The following SLCO5A1 variants were observed in gnomAD, a reference collection of about 807,000 sequenced individuals.
The protein encoded by SLCO5A1 is solute carrier organic anion transporter family member 5A1.
Under a neutral mutation model 65.1 loss-of-function variants are expected in SLCO5A1, and 39 were observed. The observed-to-expected ratio is 0.60, with a 90% CI of 0.46 to 0.78. SLCO5A1 has a LOEUF of 0.78. Among genes scored for constraint, SLCO5A1 ranks in the 30% least tolerant of loss-of-function variants. The probability of loss-of-function intolerance (pLI) is 0.00; values close to 1 mark genes in which losing one functional copy is unlikely to be tolerated. For synonymous variants in SLCO5A1, 438 were observed against 415.7 expected, an observed-to-expected ratio of 1.05 and a Z score of -0.65; for missense variants, 1,029 against 1,069.4, an observed-to-expected ratio of 0.96 and a Z score of 0.53.
chr8:69,682,404 G>T, intron 6 of SLCO5A1, 61 bp from the exon 7 acceptor site: 1 of 1,397,454 alleles, frequency 7.2e-7, no homozygotes, highest in East Asian at 2.7e-5. Context: ...CATAGGAAAG[G>T]TCTTGAAATT....
intron 4 of SLCO5A1, among the ~76,000 whole-genome samples, chr8:69,740,536 T>C (rs1816750470): frequency 6.6e-6 from 1 of 152,142 alleles, no homozygotes; most frequent in Non-Finnish European, 1.5e-5. Flanking sequence ...TGTATGTGGG[T>C]ATAAATATAG....
At chr8:69,730,147 C>T (rs1816266591) in intron 5 of SLCO5A1, among the ~76,000 whole-genome samples, 1 of 152,194 alleles carries the variant, frequency 6.6e-6, no homozygotes, top group South Asian at 2.1e-4. Context: ...AGTGGGTAAG[C>T]AACTTGGCTA....
In SLCO5A1 at chr8:69,823,100, T is replaced by G. The variant is rs960997015; in HGVS notation, c.907+8667A>C. On this transcript the variant is annotated intron_variant, in intron 2 of 9. Coordinates refer to ENST00000260126, the MANE Select transcript of SLCO5A1 (RefSeq NM_030958.3). ...AGTTCGGCATTCTTACTCTTTTCCC[T>G]GTTGAATTACAAATGTCTTGCCTCC... Among the ~76,000 whole-genome samples the G allele has an allele frequency of 2.6e-5, 4 of 152,226 alleles. No individual in the cohort carries two copies. In the South Asian group the frequency reaches 6.2e-4, roughly 24 times the overall value.
chr8:69,811,047 C>T (rs966317610), intron 2 of SLCO5A1, among the ~76,000 whole-genome samples: 1 of 152,170 alleles, frequency 6.6e-6, no homozygotes, highest in Non-Finnish European at 1.5e-5. Context: ...ATCCCACCTT[C>T]CCACATGCAG....
intron 5 of SLCO5A1, among the ~76,000 whole-genome samples, chr8:69,706,460 C>T (rs931113350): frequency 6.6e-6 from 1 of 152,098 alleles, no homozygotes; most frequent in Non-Finnish European, 1.5e-5. Flanking sequence ...AATCCTAATC[C>T]CCAGAGTGAT....
chr8:69,701,343 A>G (rs1343668996), intron 6 of SLCO5A1, among the ~76,000 whole-genome samples: 1 of 152,232 alleles, frequency 6.6e-6, no homozygotes, highest in Non-Finnish European at 1.5e-5. Flanking sequence ...CTTCTCAGCC[A>G]GGGCTATTTA....
intron 2 of SLCO5A1, among the ~76,000 whole-genome samples, chr8:69,784,894 GGAAGA>G (rs1818970634): frequency 1.6e-5 from 1 of 64,388 alleles, no homozygotes. Flanking sequence ...AAAGAAGAAA[GGAAGA>G]AAGAAAGAAA....
chr8:69,709,786 G>A (rs543292857), intron 5 of SLCO5A1, among the ~76,000 whole-genome samples: 100 of 152,312 alleles, frequency 6.6e-4, no homozygotes, highest in African/African-American at 2.2e-3. Context: ...AACCGTGATG[G>A]GAAAGTGAAG....
intron 5 of SLCO5A1, chr8:69,714,750 A>G (rs1473883568): frequency 4.6e-5 from 7 of 152,230 alleles, no homozygotes; most frequent in South Asian, 2.1e-4. Context: ...TGACTTCAAC[A>G]GGGAGATATT....
intron 2 of SLCO5A1, among the ~76,000 whole-genome samples, chr8:69,774,431 T>C (rs10101019): frequency 0.045 from 6,850 of 152,262 alleles, 470 homozygotes; most frequent in African/African-American, 0.15. Context: ...TCCTCAGAGC[T>C]TCCTTATAAC....
At chr8:69,774,681 C>A (rs571055254) in intron 2 of SLCO5A1, among the ~76,000 whole-genome samples, 1 of 152,282 alleles carries the variant, frequency 6.6e-6, no homozygotes, top group African/African-American at 2.4e-5. Context: ...TGGGACTGCA[C>A]CCAGGGTGGT....
chr8:69,748,136 G>A (rs1372974588), intron 4 of SLCO5A1, among the ~76,000 whole-genome samples: 2 of 152,280 alleles, frequency 1.3e-5, no homozygotes, highest in East Asian at 3.9e-4. Flanking sequence ...AAAGACAGGA[G>A]CTAGATGACA....
chr8:69,770,150 G>A (rs547051445), intron 2 of SLCO5A1, among the ~76,000 whole-genome samples: 1 of 152,216 alleles, frequency 6.6e-6, no homozygotes, highest in East Asian at 1.9e-4. Context: ...CATTTGCTAT[G>A]TCTAAATGGT....
chr8:69,673,169 C>A lies in SLCO5A1; in HGVS notation c.2247G>T (p.Gly749=). ...FGLAAGLKFV[G]FIFIFLAWYS... is the part of the protein sequence containing the mutation. ...ACCAGGCCAGAAAAATAAAAATAAA[C>A]CCAACGAATTTGAGGCCGGCAGCCA... is the stretch of plus-strand genomic sequence containing the variant. The change falls in exon 10 of 10, where the codon GGG becomes GGT. Residue 749 remains glycine, a synonymous_variant. Coordinates refer to ENST00000260126, the MANE Select transcript of SLCO5A1 (RefSeq NM_030958.3). 6.2e-7 allele frequency: 1 copy of A among 1,614,192 alleles called. No homozygotes were observed. Among genetic ancestry groups the A allele is most frequent in the Non-Finnish European group, 8.5e-7 (1 of 1,180,036 alleles).
At chr8:69,691,040 G>T (rs542335506) in intron 6 of SLCO5A1, among the ~76,000 whole-genome samples, 9 of 152,118 alleles carry the variant, frequency 5.9e-5, no homozygotes, top group Non-Finnish European at 1.3e-4. Context: ...GGCAGAGTGA[G>T]GGGCAATAAC....
chr8:69,813,170 C>T (rs987698210), intron 2 of SLCO5A1, among the ~76,000 whole-genome samples: 10 of 152,130 alleles, frequency 6.6e-5, no homozygotes, highest in Non-Finnish European at 1.0e-4. Flanking sequence ...TGCAGTCTTA[C>T]TCACTTAAAT....
intron 2 of SLCO5A1, among the ~76,000 whole-genome samples, chr8:69,811,690 T>C (rs1465200277): frequency 1.3e-5 from 2 of 152,220 alleles, no homozygotes; most frequent in African/African-American, 4.8e-5. Context: ...AAATGAAAGC[T>C]AACACCACTC....
chr8:69,686,300 TTTCTTAA>T (rs1050740764), intron 6 of SLCO5A1, among the ~76,000 whole-genome samples: 2 of 152,086 alleles, frequency 1.3e-5, no homozygotes, highest in Non-Finnish European at 2.9e-5. Flanking sequence ...TTTCTCATAA[TTTCTTAA>T]TCTTCATCAA....
At position 69,772,653 on chromosome 8, in the gene SLCO5A1, G is replaced by GGAAAA. The variant is rs1563715534; in HGVS notation, c.908-10783_908-10779dup. On this transcript the variant is annotated intron_variant, in intron 2 of 9. Coordinates refer to ENST00000260126, the MANE Select transcript of SLCO5A1 (RefSeq NM_030958.3). ...GGAAAGGAAAGGAAAGGAAAGGAAA[G>GGAAAA]GAAAAGAAATGATTCTGGAGCTCCT... Among the ~76,000 whole-genome samples, 69 of 145,976 alleles carry GGAAAA rather than the reference G, an allele frequency of 4.7e-4. 1 individual carries two copies. Among genetic ancestry groups the GGAAAA allele is most frequent in the African/African-American group, 1.7e-3 (67 of 39,646 alleles).
Sources: gnomAD v4.1 joint callset for allele counts (sites outside exome capture counted in the v4.1 genomes callset) on GRCh38, gnomAD v4.1.1 for gene constraint, MANE v1.5 for transcripts, NCBI Gene and HGNC (gene_info 2026-07-23, HGNC 2026-07-21) for gene names.